Variants in KLKB1 observed in about 807,000 individuals in gnomAD.
KLKB1 encodes the protein kallikrein B1.
Under a neutral mutation model 73.6 loss-of-function variants are expected in KLKB1, and 58 were observed. The observed-to-expected ratio is 0.79, with a 90% CI of 0.64 to 0.98. The LOEUF (loss-of-function observed/expected upper bound fraction) is 0.98. KLKB1 is among the 50% of genes least tolerant of loss of function. The pLI is 0.00. For synonymous variants in KLKB1, 280 were observed against 258.1 expected, an observed-to-expected ratio of 1.08 and a Z score of -0.81; for missense variants, 737 against 763.8, an observed-to-expected ratio of 0.96 and a Z score of 0.41.
chr4:186,230,828 C>T (rs2126628165), intron 2 of KLKB1, among the ~76,000 whole-genome samples: 1 of 152,238 alleles, frequency 6.6e-6, no homozygotes, highest in South Asian at 2.1e-4. Flanking sequence ...TCAGTCAAAA[C>T]CACCAACTGT....
At chr4:186,241,026 CAT>C (rs1446305947) in intron 6 of KLKB1, among the ~76,000 whole-genome samples, 1 of 152,124 alleles carries the variant, frequency 6.6e-6, no homozygotes, top group African/African-American at 2.4e-5. Flanking sequence ...AGTGAGTTCA[CAT>C]GTGATTTAAT....
intron 2 of KLKB1, among the ~76,000 whole-genome samples, chr4:186,218,498 C>T (rs145160040): frequency 1.7e-4 from 26 of 152,182 alleles, no homozygotes; most frequent in African/African-American, 6.3e-4. Context: ...CATTTTTCTA[C>T]CTTTTTTTAT....
chr4:186,239,836 T>G (rs1347638432), intron 6 of KLKB1, among the ~76,000 whole-genome samples: 5 of 130,508 alleles, frequency 3.8e-5, no homozygotes, highest in Admixed American at 1.6e-4. Flanking sequence ...GATACTGTTA[T>G]AGTTATAGGA....
chr4:186,253,731 T>C (rs1335662389), intron 11 of KLKB1, among the ~76,000 whole-genome samples: 2 of 152,168 alleles, frequency 1.3e-5, no homozygotes, highest in Admixed American at 6.5e-5. Context: ...GGCTTTGCTT[T>C]AGATCAGAAT....
chr4:186,240,739 C>T (rs1330723891), intron 6 of KLKB1, among the ~76,000 whole-genome samples: 1 of 152,178 alleles, frequency 6.6e-6, no homozygotes, highest in Non-Finnish European at 1.5e-5. Flanking sequence ...GACAGCACAC[C>T]TTCTCCATGG....
Position 186,257,355 on chromosome 4 carries a change from A to G in KLKB1, c.1715A>G (p.Asp572Gly), listed in dbSNP as rs1309437594. Residue 572 changes from aspartate to glycine, a missense_variant, in exon 14 of 15, where the codon GAT (aspartate) becomes GGT (glycine). Transcript: ENST00000264690. ...GCTGGCTATAAAGAAGGGGGAAAAG[A>G]TGCTTGTAAGGTAACTCATGAGATT... is the stretch of plus-strand genomic sequence containing the variant. ...VCAGYKEGGK[D>G]ACKGDSGGPL... The G allele has an allele frequency of 6.3e-7, 1 of 1,588,410 alleles. No individual in the cohort carries two copies.
chr4:186,232,020 C>T (rs1737420157), intron 2 of KLKB1, 107 bp from the exon 3 acceptor site: 2 of 798,672 alleles, frequency 2.5e-6, no homozygotes, highest in Non-Finnish European at 2.0e-6. Flanking sequence ...TTGTATTATA[C>T]AGGTCTTTGA....
At position 186,234,110 on chromosome 4, in the gene KLKB1, G is replaced by C. The variant is rs1004588070; in HGVS notation, c.328+52G>C. On this transcript the variant is annotated intron_variant, in intron 4 of 14. Transcript: ENST00000264690. ...TTGAGTTAATATTGGATCTCGCTTA[G>C]AACAGCTTTTGCTCAAAGTTTGTAC... 1.7e-5 allele frequency: 24 copies of C among 1,382,654 alleles called. No homozygotes were observed. The African/African-American group carries it at 2.4e-4, about 14-fold the overall frequency. 85.6% of individuals were successfully genotyped at this position (1,382,654 alleles called of 1,614,324 possible).
upstream of KLKB1, among the ~76,000 whole-genome samples, chr4:186,226,058 A>AT (rs1193486280): frequency 1.3e-5 from 2 of 148,586 alleles, no homozygotes; most frequent in Non-Finnish European, 3.0e-5. Context: ...CTGTTTGTGA[A>AT]TTTTTTCAAT....
intron 6 of KLKB1, among the ~76,000 whole-genome samples, chr4:186,238,612 A>G (rs1184435431): frequency 6.6e-6 from 1 of 152,220 alleles, no homozygotes; most frequent in Non-Finnish European, 1.5e-5. Flanking sequence ...CGGAAGGCTC[A>G]GAGCCAGAGA....
intron 2 of KLKB1, among the ~76,000 whole-genome samples, chr4:186,214,670 A>G (rs997208930): frequency 1.3e-5 from 2 of 152,170 alleles, no homozygotes; most frequent in Non-Finnish European, 2.9e-5. Context: ...GACTTTCTGG[A>G]CTAATTAGTC....
chr4:186,247,364 GGTA>G (rs1477164269), intron 6 of KLKB1, among the ~76,000 whole-genome samples: 1 of 152,088 alleles, frequency 6.6e-6, no homozygotes, highest in Non-Finnish European at 1.5e-5. Context: ...GATTTGGGTA[GGTA>G]GTGGAAAATT....
chr4:186,250,643 C>CA, intron 7 of KLKB1, among the ~76,000 whole-genome samples: 1 of 152,276 alleles, frequency 6.6e-6, no homozygotes, highest in African/African-American at 2.4e-5. Flanking sequence ...ATCAAGGAAG[C>CA]AATAGCCATG....
intron 4 of KLKB1, 105 bp downstream of exon 4, chr4:186,234,163 C>T (rs545192035): frequency 2.9e-4 from 241 of 834,074 alleles, no homozygotes; most frequent in Non-Finnish European, 4.6e-4. Context: ...AGGCATCACT[C>T]ATAAAGATAG....
Position 186,257,384 on chromosome 4 carries a change from A to G in KLKB1, c.1725+19A>G. On this transcript the variant is annotated intron_variant, in intron 14 of 14. Coordinates refer to ENST00000264690, the MANE Select transcript of KLKB1 (RefSeq NM_000892.5). The stretch of plus-strand genomic sequence containing the variant: ...TTGTAAGGTAACTCATGAGATTATG[A>G]AAAACACAATAGGCTGCTTGAGAAA... The G allele has an allele frequency of 6.4e-7, 1 of 1,572,918 alleles. No individual in the cohort carries two copies. Among genetic ancestry groups the G allele is most frequent in the Non-Finnish European group, 8.6e-7 (1 of 1,158,174 alleles).
chr4:186,234,578 A>G (rs1309408246), intron 4 of KLKB1, among the ~76,000 whole-genome samples: 3 of 152,228 alleles, frequency 2.0e-5, no homozygotes, highest in Admixed American at 2.0e-4. Context: ...GCAGTCGTCC[A>G]CAGCAAATAA....
chr4:186,219,364 A>G (rs1736981292), intron 2 of KLKB1, among the ~76,000 whole-genome samples: 1 of 152,206 alleles, frequency 6.6e-6, no homozygotes, highest in East Asian at 1.9e-4. Flanking sequence ...AGATAATAAT[A>G]AGGTCATAAT....
At chr4:186,224,448 C>T (rs1737106873), upstream of KLKB1, among the ~76,000 whole-genome samples, 1 of 152,230 alleles carries the variant, frequency 6.6e-6, no homozygotes, top group African/African-American at 2.4e-5. Flanking sequence ...CTTAACAGCC[C>T]ACACCTTGCA....
intron 6 of KLKB1, among the ~76,000 whole-genome samples, chr4:186,245,651 G>C (rs190204393): frequency 6.6e-6 from 1 of 152,250 alleles, no homozygotes; most frequent in East Asian, 1.9e-4. Context: ...GTGTGTGCTG[G>C]AGATGTGGCT....
Sources: gnomAD v4.1 joint callset for allele counts (sites outside exome capture counted in the v4.1 genomes callset) on GRCh38, gnomAD v4.1.1 for gene constraint, MANE v1.5 for transcripts, NCBI Gene and HGNC (gene_info 2026-07-23, HGNC 2026-07-21) for gene names.